Variants in DNAH6 observed in about 807,000 individuals in gnomAD.
The protein encoded by DNAH6 is dynein axonemal heavy chain 6.
Under a neutral mutation model 491.4 loss-of-function variants are expected in DNAH6, and 340 were observed. The ratio of observed to expected loss-of-function variants is 0.69; its 90% CI spans 0.63 to 0.76. DNAH6 has a LOEUF of 0.76. Ranked by LOEUF, DNAH6 falls within the 30% of genes least tolerant of loss-of-function variation. The probability of loss-of-function intolerance (pLI) is 0.00; values close to 1 mark genes in which losing one functional copy is unlikely to be tolerated. For synonymous variants in DNAH6, 1,603 were observed against 1,686.1 expected (o/e 0.95, Z 1.21); for missense variants, 4,443 against 4,972.2 (o/e 0.89, Z 3.20).
chr2:84,654,632 T>C, intron 34 of DNAH6, 28 bp from the exon 35 acceptor site: 1 of 1,549,878 alleles, frequency 6.5e-7, no homozygotes, highest in Non-Finnish European at 8.7e-7. Context: ...ATATTAGCTG[T>C]TTCCTGTTCA....
chr2:84,572,882 G>A (rs1170402106), intron 11 of DNAH6, among the ~76,000 whole-genome samples: 2 of 152,188 alleles, frequency 1.3e-5, no homozygotes, highest in African/African-American at 4.8e-5. Context: ...AGTTATTAAA[G>A]GGACTGAAGT....
Position 84,819,289 on chromosome 2 carries a change from C to A in DNAH6, c.12374-16C>A. The A allele has an allele frequency of 2.6e-6, 4 of 1,514,884 alleles. No homozygotes were observed. Among genetic ancestry groups the A allele is most frequent in the Non-Finnish European group, 2.7e-6 (3 of 1,120,360 alleles). The allele number at this position is 1,514,884 out of a possible 1,614,324, so 93.8% of individuals were successfully genotyped here. On this transcript the variant is annotated splice_polypyrimidine_tract_variant and intron_variant, in intron 76 of 76. Transcript: ENST00000389394. ...TCTCTTAAGTAACAACCTTTTTTTC[C>A]TATATCCTTAATTAGGACATTCAAC... is the stretch of plus-strand genomic sequence containing the variant.
chr2:84,566,572 C>T (rs1307486865), intron 11 of DNAH6, among the ~76,000 whole-genome samples: 2 of 151,868 alleles, frequency 1.3e-5, no homozygotes, highest in African/African-American at 4.8e-5. Context: ...AATGGGATGA[C>T]TCAACATGAT....
rs756252000 is a variant in DNAH6, at chr2:84,619,764, A to C, written c.3652A>C (p.Arg1218=). The change falls in exon 24 of 77, where the codon AGG becomes CGG. Residue 1218 remains arginine (R), a synonymous_variant. Transcript: ENST00000389394. ...RNPQAVQPHL[R]KCFDSISKLE... ...TCCACAGGCCGTGCAGCCACACTTA[A>C]GGAAATGCTTCGACTCCATTTCAAA... 1.9e-5 allele frequency: 30 copies of C among 1,551,574 alleles called. No individual in the cohort carries two copies. The highest frequency in any genetic ancestry group is 2.5e-5 in the Non-Finnish European group (29 of 1,146,874).
intron 57 of DNAH6, among the ~76,000 whole-genome samples, 189 bp from the exon 58 acceptor site, chr2:84,715,371 A>G (rs1697422304): frequency 6.6e-6 from 1 of 152,202 alleles, no homozygotes; most frequent in African/African-American, 2.4e-5. Flanking sequence ...TGTTACTCAT[A>G]CTGGCAGGGA....
intron 63 of DNAH6, among the ~76,000 whole-genome samples, chr2:84,752,050 G>T (rs542443615): frequency 6.6e-6 from 1 of 152,190 alleles, no homozygotes; most frequent in Non-Finnish European, 1.5e-5. Context: ...TCAAATGTTG[G>T]CAGGACTGGT....
intron 33 of DNAH6, among the ~76,000 whole-genome samples, chr2:84,650,252 C>T (rs190168911): frequency 6.6e-6 from 1 of 152,062 alleles, no homozygotes; most frequent in African/African-American, 2.4e-5. Context: ...TTCATCCTTC[C>T]CCATCATTTG....
chr2:84,802,345 A>G (rs1307686089), intron 70 of DNAH6, among the ~76,000 whole-genome samples: 1 of 152,252 alleles, frequency 6.6e-6, no homozygotes, highest in African/African-American at 2.4e-5. Context: ...CTATAGGCTC[A>G]AAGTAAAGGG....
rs998442122 is a variant in DNAH6, at chr2:84,672,409, G to A, written c.6537G>A (p.Pro2179=). 2.8e-5 allele frequency: 44 copies of A among 1,551,460 alleles called. No individual in the cohort carries two copies. The highest frequency in any genetic ancestry group is 1.7e-4 in the Middle Eastern group (1 of 6,014). ...TGGATCGCTATGGCTCTCAGCCTCC[G>A]ATTGAATTACTTCGGCAGTATCAAG... is the stretch of plus-strand genomic sequence containing the variant. The part of the protein sequence containing the change: ...PRLDRYGSQP[P]IELLRQYQDF... The change falls in exon 40 of 77, where the codon CCG becomes CCA. Residue 2179 remains proline (P), a synonymous_variant. Coordinates refer to ENST00000389394, the MANE Select transcript of DNAH6 (RefSeq NM_001370.2).
At chr2:84,542,406 C>G (rs1339844625) in intron 4 of DNAH6, among the ~76,000 whole-genome samples, 1 of 152,120 alleles carries the variant, frequency 6.6e-6, no homozygotes, top group African/African-American at 2.4e-5. Context: ...TATTCCTCAC[C>G]AGCCCTGTGC....
intron 12 of DNAH6, among the ~76,000 whole-genome samples, chr2:84,576,980 C>T (rs367822178): frequency 6.6e-6 from 1 of 152,154 alleles, no homozygotes; most frequent in African/African-American, 2.4e-5. Flanking sequence ...ACTAGATTCT[C>T]TAATGCACTT....
At chr2:84,650,197 T>G (rs1002996035) in intron 33 of DNAH6, among the ~76,000 whole-genome samples, 2 of 152,216 alleles carry the variant, frequency 1.3e-5, no homozygotes, top group African/African-American at 4.8e-5. Flanking sequence ...TTGGCAAATG[T>G]GTGACATTTT....
At chr2:84,486,434 G>A in the DNAH6 span, among the ~76,000 whole-genome samples, 1 of 152,172 alleles carries the variant, frequency 6.6e-6, no homozygotes, top group East Asian at 1.9e-4. Context: ...CAGACTGCCT[G>A]CCTGACTTCT....
chr2:84,465,939 A>G, the DNAH6 span, among the ~76,000 whole-genome samples: 704 of 152,364 alleles, frequency 4.6e-3, 5 homozygotes, highest in African/African-American at 0.015. Flanking sequence ...AAGTACAGCA[A>G]GAATAATTAT....
rs182485869 is a variant in DNAH6, at chr2:84,556,451, A to G, written c.1603-1284A>G. 1.1e-4 allele frequency among the ~76,000 whole-genome samples: 16 copies of G among 152,316 alleles called. No individual in the cohort carries two copies. In the East Asian group the frequency reaches 3.1e-3, roughly 29 times the overall value. On this transcript the variant is annotated intron_variant, in intron 10 of 76. Transcript: ENST00000389394. ...TGGGCCCCACACACAATGACTTAGC[A>G]AGGATTATACTGTTGTCTGATATAC... is the stretch of plus-strand genomic sequence containing the variant.
At chr2:84,535,893 G>A (rs1239314728) in intron 4 of DNAH6, among the ~76,000 whole-genome samples, 1 of 151,890 alleles carries the variant, frequency 6.6e-6, no homozygotes, top group Non-Finnish European at 1.5e-5. Flanking sequence ...GAAGAAAAAA[G>A]AACTCTCTGG....
chr2:84,591,384 T>C (rs190025356), intron 16 of DNAH6, among the ~76,000 whole-genome samples: 1 of 147,496 alleles, frequency 6.8e-6, no homozygotes, highest in Admixed American at 6.7e-5. Flanking sequence ...GAATCAAAAA[T>C]AATAATAATA....
intron 21 of DNAH6, among the ~76,000 whole-genome samples, chr2:84,609,766 C>A (rs1175230317): frequency 6.6e-6 from 1 of 151,964 alleles, no homozygotes; most frequent in Non-Finnish European, 1.5e-5. Flanking sequence ...GACCCAGAGA[C>A]AAAGTGAGCA....
Position 84,544,336 on chromosome 2 carries a change from C to A in DNAH6, c.766C>A (p.Arg256=). Residue 256 remains arginine, a synonymous_variant, in exon 5 of 77, where the codon CGA becomes AGA. Transcript: ENST00000389394. ...NEDIEFIEID[R]WEQEYLYHRE... is the part of the protein sequence containing the mutation. ...AGACATTGAATTTATCGAAATTGAT[C>A]GATGGGAACAGGAATATCTGTATCA... 1 of 1,543,636 alleles carries A rather than the reference C, an allele frequency of 6.5e-7. No individual in the cohort carries two copies. The highest frequency in any genetic ancestry group is 8.8e-7 in the Non-Finnish European group (1 of 1,140,062).
Sources: allele counts gnomAD v4.1 joint callset (sites outside exome capture counted in the v4.1 genomes callset), GRCh38; gene constraint gnomAD v4.1.1; transcripts MANE v1.5; gene names NCBI Gene and HGNC (gene_info 2026-07-23, HGNC 2026-07-21).